PPP2R2A: variants seen among roughly 807,000 people sequenced by gnomAD.
PPP2R2A encodes the protein serine/threonine-protein phosphatase 2A 55 kDa regulatory subunit B alpha isoform.
PPP2R2A carries 9 observed loss-of-function variants against 53.2 expected under a neutral mutation model. That is an observed-to-expected ratio of 0.17 (90% CI 0.10 to 0.30). The LOEUF is 0.30. Among genes scored for constraint, PPP2R2A ranks in the 10% least tolerant of loss-of-function variants. The pLI, the probability that PPP2R2A is intolerant of heterozygous loss-of-function variation, is 1.00. For synonymous variants in PPP2R2A, 169 were observed against 174.2 expected, an observed-to-expected ratio of 0.97 and a Z score of 0.23; for missense variants, 235 against 534.6, an observed-to-expected ratio of 0.44 and a Z score of 5.53.
At chr8:26,301,248 C>T (rs1289217265) in intron 2 of PPP2R2A, among the ~76,000 whole-genome samples, 3 of 151,012 alleles carry the variant, frequency 2.0e-5, no homozygotes, top group Non-Finnish European at 2.9e-5. Context: ...CTAGTAGATA[C>T]TTTTTATTTT....
At chr8:26,317,574 T>C (rs1473675340) in intron 2 of PPP2R2A, among the ~76,000 whole-genome samples, 1 of 152,258 alleles carries the variant, frequency 6.6e-6, no homozygotes, top group Non-Finnish European at 1.5e-5. Context: ...TTCAGTTGTT[T>C]ATTTTACTAA....
chr8:26,332,291 G>A (rs1803421539), intron 2 of PPP2R2A, among the ~76,000 whole-genome samples: 1 of 150,634 alleles, frequency 6.6e-6, no homozygotes, highest in Admixed American at 6.6e-5. Context: ...AACCCGGGAG[G>A]CAGAGGTTGC....
Position 26,291,678 on chromosome 8 carries a change from C to A in PPP2R2A, c.-142C>A. ...GGTCTGCCCGCCCCTCCTTCCTTTT[C>A]CCCCCGGCCCCCGTCCCCTCCCCCC... On this transcript the variant is annotated 5_prime_UTR_variant, in exon 1 of 10. Coordinates refer to ENST00000380737, the MANE Select transcript of PPP2R2A (RefSeq NM_002717.4). 9.6e-6 allele frequency: 3 copies of A among 313,968 alleles called. No individual in the cohort carries two copies. Among genetic ancestry groups the A allele is most frequent in the East Asian group, 2.3e-4 (2 of 8,874 alleles). 19.4% of individuals were successfully genotyped at this position (313,968 alleles called of 1,614,324 possible).
At chr8:26,298,026 A>G (rs1257848421) in intron 2 of PPP2R2A, among the ~76,000 whole-genome samples, 1 of 152,234 alleles carries the variant, frequency 6.6e-6, no homozygotes, top group Non-Finnish European at 1.5e-5. Context: ...AAGGAAAAAA[A>G]CATACTGTAA....
At chr8:26,337,749 C>G (rs893594576) in intron 2 of PPP2R2A, among the ~76,000 whole-genome samples, 1 of 152,124 alleles carries the variant, frequency 6.6e-6, no homozygotes, top group Non-Finnish European at 1.5e-5. Flanking sequence ...TTTTTATGAG[C>G]ACTTAAATAT....
Position 26,338,858 on chromosome 8 carries a change from A to G in PPP2R2A, c.83-32A>G. On this transcript the variant is annotated intron_variant, in intron 2 of 9. Transcript: ENST00000380737. This position sits in a 1 kb window ranked among gnomAD's most constrained non-coding sequence, Gnocchi z 4.5. Reference sequence around the variant, plus strand: ...CTAGTGAGTCGGGAAAGAAAAACTAATATCTTTTTTTGTTTTGTCTCAATT... The same window carrying G: ...CTAGTGAGTCGGGAAAGAAAAACTAGTATCTTTTTTTGTTTTGTCTCAATT... 3 of 1,455,550 alleles carry G rather than the reference A, an allele frequency of 2.1e-6. No homozygotes were observed. The highest frequency in any genetic ancestry group is 2.9e-6 in the Non-Finnish European group (3 of 1,047,828). The allele number at this position is 1,455,550 out of a possible 1,614,324, so 90.2% of individuals were successfully genotyped here.
intron 2 of PPP2R2A, among the ~76,000 whole-genome samples, chr8:26,300,977 T>C (rs1801755749): frequency 2.0e-5 from 3 of 152,250 alleles, no homozygotes; most frequent in South Asian, 4.1e-4. Flanking sequence ...AGTGCTTAAC[T>C]ATGTATCAGG....
chr8:26,299,255 C>G (rs1801676484), intron 2 of PPP2R2A, among the ~76,000 whole-genome samples: 1 of 108,084 alleles, frequency 9.3e-6, no homozygotes, highest in Admixed American at 9.1e-5. Flanking sequence ...GAGTAAGACT[C>G]TGTTTCAAAA....
chr8:26,320,064 T>G (rs1026427592), intron 2 of PPP2R2A, among the ~76,000 whole-genome samples: 4 of 152,224 alleles, frequency 2.6e-5, no homozygotes, highest in Non-Finnish European at 4.4e-5. Flanking sequence ...CTAAAATGTT[T>G]GTAAATCACC....
At chr8:26,305,426 T>C (rs1441477951) in intron 2 of PPP2R2A, among the ~76,000 whole-genome samples, 1 of 152,168 alleles carries the variant, frequency 6.6e-6, no homozygotes, top group Non-Finnish European at 1.5e-5. Flanking sequence ...TTGAGTAGTC[T>C]AGGTAGAACA....
At chr8:26,311,885 T>G (rs745463535) in intron 2 of PPP2R2A, among the ~76,000 whole-genome samples, 28 of 152,092 alleles carry the variant, frequency 1.8e-4, no homozygotes, top group Non-Finnish European at 4.0e-4. Context: ...CCTTCACTAT[T>G]GGTGTCAGTT....
At chr8:26,361,540 A>C (rs1001037705) in intron 6 of PPP2R2A, among the ~76,000 whole-genome samples, 1 of 152,248 alleles carries the variant, frequency 6.6e-6, no homozygotes, top group East Asian at 1.9e-4. Context: ...CAGGAGTTCA[A>C]GGTTTACAGT....
chr8:26,301,037 C>T (rs926014210), intron 2 of PPP2R2A, among the ~76,000 whole-genome samples: 2 of 152,124 alleles, frequency 1.3e-5, no homozygotes, highest in African/African-American at 4.8e-5. Context: ...TTCACAAATA[C>T]CCTGTGAAAT....
chr8:26,356,901 T>C (rs1300141352), intron 4 of PPP2R2A, among the ~76,000 whole-genome samples: 2 of 152,216 alleles, frequency 1.3e-5, no homozygotes, highest in African/African-American at 2.4e-5. Context: ...CTCAGTGTTA[T>C]TTCGAAGCAA....
At chr8:26,345,632 A>G (rs1353319395) in intron 3 of PPP2R2A, among the ~76,000 whole-genome samples, 1 of 151,992 alleles carries the variant, frequency 6.6e-6, no homozygotes, top group South Asian at 2.1e-4. Context: ...TCTAGTCTCT[A>G]TTGTTAGATT....
intron 2 of PPP2R2A, among the ~76,000 whole-genome samples, chr8:26,302,999 T>G (rs900505743): frequency 6.6e-6 from 1 of 152,234 alleles, no homozygotes; most frequent in Non-Finnish European, 1.5e-5. Context: ...TGTTCATAGA[T>G]TTCATTTTAG....
At chr8:26,305,241 C>T (rs1481747329) in intron 2 of PPP2R2A, among the ~76,000 whole-genome samples, 2 of 152,138 alleles carry the variant, frequency 1.3e-5, no homozygotes, top group Admixed American at 1.3e-4. Flanking sequence ...ACAGGATTTC[C>T]TTCCTTTTTA....
Position 26,310,668 on chromosome 8 carries a change from CT to C in PPP2R2A, c.82+16941del, listed in dbSNP as rs79086645. Among the ~76,000 whole-genome samples the C allele has an allele frequency of 7.0e-3, 327 of 46,804 alleles. 1 individual carries two copies. The highest frequency in any genetic ancestry group is 0.014 in the African/African-American group (191 of 13,942). 30.7% of individuals were successfully genotyped at this position (46,804 alleles called of 152,430 possible). ...GTCGAAAGGTGTGATTTTTTTTTTCCTTTTTTTTTTTTTAATGGCTTATGGT... is the reference window on the plus strand; with the variant it reads ...GTCGAAAGGTGTGATTTTTTTTTTCCTTTTTTTTTTTTAATGGCTTATGGT... On this transcript the variant is annotated intron_variant, in intron 2 of 9. Transcript: ENST00000380737.
chr8:26,369,320 G>A (rs1256294430), intron 9 of PPP2R2A, among the ~76,000 whole-genome samples: 117 of 151,798 alleles, frequency 7.7e-4, no homozygotes, highest in African/African-American at 2.8e-3. Flanking sequence ...TCCGCCTCCC[G>A]GGTTCAAGGG....
Sources: gnomAD v4.1 joint callset for allele counts (sites outside exome capture counted in the v4.1 genomes callset) on GRCh38, gnomAD v4.1.1 for gene constraint, Gnocchi (gnomAD v3.1) non-coding constraint, MANE v1.5 for transcripts, NCBI Gene and HGNC (gene_info 2026-07-23, HGNC 2026-07-21) for gene names.